ASPRV1: variants seen among roughly 807,000 people sequenced by gnomAD.
ASPRV1 encodes retroviral-like aspartic protease 1.
Under a neutral mutation model 11.0 loss-of-function variants are expected in ASPRV1, and 7 were observed. The ratio of observed to expected loss-of-function variants is 0.64; its 90% CI spans 0.36 to 1.20. The LOEUF is 1.20. Ranked by LOEUF, ASPRV1 falls within the 50% of genes most tolerant of loss-of-function variation. The pLI is 0.02. For synonymous variants in ASPRV1, 136 were observed against 138.4 expected, an observed-to-expected ratio of 0.98 and a Z score of 0.12; for missense variants, 299 against 320.0, an observed-to-expected ratio of 0.93 and a Z score of 0.50.
chr2:69,960,600 C>T lies in ASPRV1; in HGVS notation c.*57G>A, dbSNP rs1182873809. The T allele has an allele frequency of 1.1e-5, 17 of 1,525,394 alleles. No homozygotes were observed. Among genetic ancestry groups the T allele is most frequent in the Non-Finnish European group, 1.4e-5 (16 of 1,131,652 alleles). The allele number at this position is 1,525,394 out of a possible 1,614,324, so 94.5% of individuals were successfully genotyped here. On this transcript the variant is annotated 3_prime_UTR_variant, in exon 1 of 1. Coordinates refer to ENST00000320256, the MANE Select transcript of ASPRV1 (RefSeq NM_152792.4). ...GACCCCCATGAGGATATGCAACCCC[C>T]CCCACAGCGGTGGGTCTTCCCACCA...
At chr2:70,062,289 G>A in the ASPRV1 span, among the ~76,000 whole-genome samples, 2 of 152,080 alleles carry the variant, frequency 1.3e-5, no homozygotes, top group South Asian at 4.2e-4. Context: ...TGGGCAACAA[G>A]AGCGAAACTC....
At chr2:69,944,902 C>T in the ASPRV1 span, among the ~76,000 whole-genome samples, 3 of 152,020 alleles carry the variant, frequency 2.0e-5, no homozygotes, top group Non-Finnish European at 2.9e-5. Context: ...GTCTTGGTGG[C>T]GAACCCCGTG....
the ASPRV1 span, among the ~76,000 whole-genome samples, chr2:70,023,421 A>G: frequency 6.6e-6 from 1 of 152,220 alleles, no homozygotes; most frequent in African/African-American, 2.4e-5. Context: ...GCTGTAGCCC[A>G]GGGTTCCCTC....
the ASPRV1 span, among the ~76,000 whole-genome samples, chr2:69,933,906 G>A: frequency 6.6e-6 from 1 of 152,180 alleles, no homozygotes; most frequent in African/African-American, 2.4e-5. Context: ...AGACCCCAGG[G>A]AACTCTGCTC....
the ASPRV1 span, among the ~76,000 whole-genome samples, chr2:69,994,461 C>T: frequency 6.6e-6 from 1 of 152,214 alleles, no homozygotes; most frequent in Non-Finnish European, 1.5e-5. Flanking sequence ...AGGGAGACCA[C>T]TTGGATGAGC....
chr2:69,984,808 G>A, the ASPRV1 span, among the ~76,000 whole-genome samples: 12 of 150,090 alleles, frequency 8.0e-5, no homozygotes, highest in Non-Finnish European at 1.3e-4. Flanking sequence ...TAGTAGAGAC[G>A]GGTTTTCACC....
the ASPRV1 span, among the ~76,000 whole-genome samples, chr2:69,933,299 T>A: frequency 6.6e-6 from 1 of 152,030 alleles, no homozygotes; most frequent in African/African-American, 2.4e-5. Flanking sequence ...TTATACTTTC[T>A]CATAGTGTTT....
upstream of ASPRV1, among the ~76,000 whole-genome samples, chr2:69,966,492 T>C (rs1019414094): frequency 6.6e-6 from 1 of 152,218 alleles, no homozygotes; most frequent in Non-Finnish European, 1.5e-5. Context: ...CAGGGTCCCC[T>C]CTGCTTAACT....
chr2:70,068,946 C>CAAAAAAAAAAAAAAAAAAAAAAAAAAAAA, the ASPRV1 span, among the ~76,000 whole-genome samples: 1 of 59,082 alleles, frequency 1.7e-5, no homozygotes, highest in Non-Finnish European at 3.4e-5. Context: ...ACTCTTGTCT[C>CAAAAAAAAAAAAAAAAAAAAAAAAAAAAA]AAAAAAAAAA....
chr2:69,962,970 C>T (rs1678185696), upstream of ASPRV1: 1 of 304,438 alleles, frequency 3.3e-6, no homozygotes, highest in Non-Finnish European at 6.7e-6. Flanking sequence ...GAGGAAGACT[C>T]GATGGCACAC....
chr2:70,053,357 C>G, the ASPRV1 span, among the ~76,000 whole-genome samples: 1 of 151,928 alleles, frequency 6.6e-6, no homozygotes, highest in South Asian at 2.1e-4. Flanking sequence ...GTATCTTTAG[C>G]CTGGGGTGGG....
At chr2:70,022,567 G>GTAGT in the ASPRV1 span, among the ~76,000 whole-genome samples, 2 of 152,052 alleles carry the variant, frequency 1.3e-5, no homozygotes, top group African/African-American at 4.8e-5. Flanking sequence ...GCACATGCCT[G>GTAGT]TAGTCCCAGC....
At chr2:70,023,116 A>AT in the ASPRV1 span, among the ~76,000 whole-genome samples, 1 of 152,148 alleles carries the variant, frequency 6.6e-6, no homozygotes, top group Non-Finnish European at 1.5e-5. Context: ...TTTCAAAATA[A>AT]TTTTCCTTTA....
the ASPRV1 span, among the ~76,000 whole-genome samples, chr2:70,076,932 C>T: frequency 6.6e-6 from 1 of 152,114 alleles, no homozygotes; most frequent in Non-Finnish European, 1.5e-5. Context: ...TTTGCATCAT[C>T]GTAAAGTTGA....
chr2:69,943,216 C>G, the ASPRV1 span, among the ~76,000 whole-genome samples: 8 of 152,340 alleles, frequency 5.3e-5, no homozygotes, highest in South Asian at 1.4e-3. Flanking sequence ...TCTTGGCTGA[C>G]TTGCCCTTTG....
At chr2:70,024,363 G>A in the ASPRV1 span, among the ~76,000 whole-genome samples, 86 of 152,150 alleles carry the variant, frequency 5.7e-4, 1 homozygote, top group Admixed American at 5.5e-3. Context: ...TTCATTAGTT[G>A]CAGTCTTCTG....
the ASPRV1 span, among the ~76,000 whole-genome samples, chr2:69,982,041 ATCC>A: frequency 8.5e-5 from 2 of 23,594 alleles, no homozygotes; most frequent in African/African-American, 2.6e-3. Flanking sequence ...TCATCTATCC[ATCC>A]ATCCATCCAT....
chr2:69,987,410 T>C, the ASPRV1 span, among the ~76,000 whole-genome samples: 1 of 151,902 alleles, frequency 6.6e-6, no homozygotes, highest in Non-Finnish European at 1.5e-5. Context: ...TCTGGGCCTC[T>C]TGACTCTTAT....
the ASPRV1 span, among the ~76,000 whole-genome samples, chr2:70,041,925 GA>G: frequency 2.6e-5 from 4 of 152,204 alleles, no homozygotes; most frequent in African/African-American, 7.2e-5. Context: ...AGACACACAG[GA>G]AATAGTGATT....
Sources: allele counts gnomAD v4.1 joint callset (sites outside exome capture counted in the v4.1 genomes callset), GRCh38; gene constraint gnomAD v4.1.1; transcripts MANE v1.5; gene names NCBI Gene and HGNC (gene_info 2026-07-23, HGNC 2026-07-21).